The following GALNTL6 variants were observed in gnomAD, a reference collection of about 807,000 sequenced individuals.
GALNTL6 encodes the protein polypeptide N-acetylgalactosaminyltransferase-like 6.
GALNTL6 carries 46 observed loss-of-function variants against 73.7 expected under a neutral mutation model. The ratio of observed to expected loss-of-function variants is 0.62; its 90% confidence interval spans 0.49 to 0.80. The LOEUF (loss-of-function observed/expected upper bound fraction) is 0.80. Ranked by LOEUF, GALNTL6 falls within the 30% of genes least tolerant of loss-of-function variation. The probability of loss-of-function intolerance (pLI) is 0.00; values close to 1 mark genes in which losing one functional copy is unlikely to be tolerated. For missense variants in GALNTL6, 604 were observed against 755.0 expected (o/e 0.80, Z 2.34); for synonymous variants, 259 against 263.7 (o/e 0.98, Z 0.17).
chr4:171,839,928 T>A (rs935613570), intron 2 of GALNTL6, among the ~76,000 whole-genome samples: 1 of 152,254 alleles, frequency 6.6e-6, no homozygotes, highest in South Asian at 2.1e-4. Context: ...CTTGACAGTT[T>A]TTTCCTCTCT....
At chr4:172,464,450 G>C (rs1232796785) in intron 5 of GALNTL6, among the ~76,000 whole-genome samples, 3 of 152,054 alleles carry the variant, frequency 2.0e-5, no homozygotes, top group Non-Finnish European at 4.4e-5. Flanking sequence ...TCTCATGCCT[G>C]TAATCCCAGC....
At chr4:172,280,118 T>G (rs1336909317) in intron 3 of GALNTL6, among the ~76,000 whole-genome samples, 1 of 152,076 alleles carries the variant, frequency 6.6e-6, no homozygotes, top group Admixed American at 6.6e-5. Flanking sequence ...AGGTACAGAG[T>G]TTTTGTTTTG....
At chr4:172,755,977 C>T (rs779453517) in intron 5 of GALNTL6, among the ~76,000 whole-genome samples, 2 of 152,116 alleles carry the variant, frequency 1.3e-5, no homozygotes, top group African/African-American at 4.8e-5. Context: ...TTGGTACCAA[C>T]GTGAAAGCAA....
At chr4:172,928,898 G>A (rs538147801) in intron 8 of GALNTL6, among the ~76,000 whole-genome samples, 37 of 152,296 alleles carry the variant, frequency 2.4e-4, no homozygotes, top group African/African-American at 6.5e-4. Flanking sequence ...GATCTAGATC[G>A]TTGGTCCCTA....
At chr4:172,038,946 T>C (rs1742011498) in intron 2 of GALNTL6, among the ~76,000 whole-genome samples, 1 of 152,168 alleles carries the variant, frequency 6.6e-6, no homozygotes, top group South Asian at 2.1e-4. Flanking sequence ...GCTGAGATAT[T>C]CTTTTTTATT....
intron 5 of GALNTL6, among the ~76,000 whole-genome samples, chr4:172,385,906 T>TACAC (rs201908612): frequency 6.6e-6 from 1 of 151,436 alleles, no homozygotes; most frequent in African/African-American, 2.4e-5. Flanking sequence ...TTATTGTTTA[T>TACAC]ACACACACAC....
At chr4:173,023,791 G>A (rs1418399090) in intron 12 of GALNTL6, among the ~76,000 whole-genome samples, 3 of 152,016 alleles carry the variant, frequency 2.0e-5, no homozygotes, top group African/African-American at 7.2e-5. Context: ...AAACCTCGCC[G>A]TTTTCTTTAT....
chr4:172,318,546 G>T (rs1406897420), intron 4 of GALNTL6, among the ~76,000 whole-genome samples: 1 of 151,714 alleles, frequency 6.6e-6, no homozygotes, highest in Non-Finnish European at 1.5e-5. Context: ...ACTAAAAATA[G>T]AAAAAATTAG....
intron 4 of GALNTL6, among the ~76,000 whole-genome samples, chr4:172,326,548 A>G (rs1407460629): frequency 1.3e-5 from 2 of 151,988 alleles, no homozygotes; most frequent in East Asian, 1.9e-4. Flanking sequence ...ATAGCATGAC[A>G]TATCTTCTGT....
At chr4:172,744,787 C>T (rs1205586950) in intron 5 of GALNTL6, among the ~76,000 whole-genome samples, 2 of 151,812 alleles carry the variant, frequency 1.3e-5, no homozygotes, top group African/African-American at 4.8e-5. Flanking sequence ...AAGTCAATCT[C>T]ATAGTGCCAT....
At chr4:171,905,315 G>A (rs568008098) in intron 2 of GALNTL6, among the ~76,000 whole-genome samples, 1 of 151,452 alleles carries the variant, frequency 6.6e-6, no homozygotes, top group East Asian at 1.9e-4. Context: ...CCAAGCAAAT[G>A]GAAAACTAAA....
At chr4:172,012,625 C>G (rs189516776) in intron 2 of GALNTL6, among the ~76,000 whole-genome samples, 1 of 152,196 alleles carries the variant, frequency 6.6e-6, no homozygotes, top group Admixed American at 6.6e-5. Flanking sequence ...GTGGAAGCTG[C>G]CTACCCTCTG....
At chr4:172,077,231 G>A (rs1287965328) in intron 2 of GALNTL6, among the ~76,000 whole-genome samples, 3 of 152,208 alleles carry the variant, frequency 2.0e-5, no homozygotes, top group African/African-American at 7.2e-5. Flanking sequence ...CTGAAAATGT[G>A]GAAGTGGCTT....
At chr4:172,501,302 A>C (rs904561213) in intron 5 of GALNTL6, among the ~76,000 whole-genome samples, 8 of 152,234 alleles carry the variant, frequency 5.3e-5, no homozygotes, top group Admixed American at 3.3e-4. Context: ...CAACATTTTT[A>C]AAAACCTTAT....
intron 5 of GALNTL6, among the ~76,000 whole-genome samples, chr4:172,514,136 T>C (rs981211072): frequency 2.6e-5 from 4 of 152,152 alleles, no homozygotes; most frequent in Non-Finnish European, 4.4e-5. Context: ...TACTCAGGTT[T>C]CTCAGGTGGT....
At chr4:172,967,991 C>T (rs890895584) in intron 10 of GALNTL6, among the ~76,000 whole-genome samples, 5 of 152,258 alleles carry the variant, frequency 3.3e-5, no homozygotes, top group Non-Finnish European at 7.4e-5. Context: ...AATATATTAG[C>T]ATTTCTGATG....
chr4:171,984,205 C>G (rs1156944368), intron 2 of GALNTL6, among the ~76,000 whole-genome samples: 1 of 152,144 alleles, frequency 6.6e-6, no homozygotes, highest in African/African-American at 2.4e-5. Context: ...ACATTATGCC[C>G]TTGGAAACAA....
chr4:171,868,619 C>G (rs997280625), intron 2 of GALNTL6, among the ~76,000 whole-genome samples: 1 of 152,170 alleles, frequency 6.6e-6, no homozygotes, highest in African/African-American at 2.4e-5. Flanking sequence ...TATTCTACCT[C>G]CCTTGAATCA....
At chr4:172,789,971 T>C (rs1490851530) in intron 5 of GALNTL6, among the ~76,000 whole-genome samples, 1 of 152,218 alleles carries the variant, frequency 6.6e-6, no homozygotes, top group Non-Finnish European at 1.5e-5. Context: ...CACTATGCTA[T>C]GGAAATAAAA....
Sources: gnomAD v4.1 joint callset for allele counts (sites outside exome capture counted in the v4.1 genomes callset) on GRCh38, gnomAD v4.1.1 for gene constraint, MANE v1.5 for transcripts, NCBI Gene and HGNC (gene_info 2026-07-23, HGNC 2026-07-21) for gene names.